Variants in SLCO2A1 observed in about 807,000 individuals in gnomAD.
SLCO2A1 encodes solute carrier organic anion transporter family member 2A1.
In SLCO2A1, 60 loss-of-function variants were observed where a neutral mutation model predicts 71.7. The observed-to-expected ratio is 0.84, with a 90% confidence interval of 0.68 to 1.04. The LOEUF is 1.04. SLCO2A1 is among the 50% of genes least tolerant of loss of function. SLCO2A1 has a pLI of 0.00. For synonymous variants in SLCO2A1, 308 were observed against 326.7 expected (o/e 0.94, Z 0.62); for missense variants, 745 against 813.4 (o/e 0.92, Z 1.02).
intron 1 of SLCO2A1, among the ~76,000 whole-genome samples, chr3:134,027,280 A>T (rs1337326513): frequency 6.6e-6 from 1 of 152,244 alleles, no homozygotes; most frequent in African/African-American, 2.4e-5. Flanking sequence ...ATCCACAAGC[A>T]GACAGCCCGG....
chr3:134,010,751 C>CAAAAAAA (rs57260052), intron 1 of SLCO2A1, among the ~76,000 whole-genome samples: 1 of 70,898 alleles, frequency 1.4e-5, no homozygotes, highest in African/African-American at 5.0e-5. Context: ...AGACTCTGTC[C>CAAAAAAA]AAAAAAAAAA....
At chr3:133,972,788 G>C (rs922923023) in intron 3 of SLCO2A1, among the ~76,000 whole-genome samples, 2 of 152,084 alleles carry the variant, frequency 1.3e-5, no homozygotes, top group African/African-American at 2.4e-5. Flanking sequence ...TCAAGAGCAA[G>C]GGTAAAATAG....
chr3:134,006,933 C>T (rs2108072741), intron 1 of SLCO2A1, among the ~76,000 whole-genome samples: 1 of 152,328 alleles, frequency 6.6e-6, no homozygotes, highest in South Asian at 2.1e-4. Flanking sequence ...ATTTTACATT[C>T]CCACCAATAG....
At chr3:134,016,601 T>C (rs1370845454) in intron 1 of SLCO2A1, among the ~76,000 whole-genome samples, 1 of 152,198 alleles carries the variant, frequency 6.6e-6, no homozygotes, top group Non-Finnish European at 1.5e-5. Flanking sequence ...TGTAAACTGG[T>C]GTGATCACTC....
In SLCO2A1 at chr3:133,934,841, G is replaced by C. The variant is rs375564210; in HGVS notation, c.1815-11C>G. ...TGCAGGCCCAGGTACCTGTGGGCAG[G>C]AGGAGGCAGGACTGGTGAGGGAGGG... is the stretch of plus-strand genomic sequence containing the variant. On this transcript the variant is annotated splice_polypyrimidine_tract_variant and intron_variant, in intron 13 of 13. Transcript: ENST00000310926. 2 of 1,603,514 alleles carry C rather than the reference G, an allele frequency of 1.2e-6. No homozygotes were observed. Among genetic ancestry groups the C allele is most frequent in the African/African-American group, 1.3e-5 (1 of 74,782 alleles).
chr3:133,951,232 A>G lies in SLCO2A1; in HGVS notation c.837T>C (p.Pro279=). 6.2e-7 allele frequency: 1 copy of G among 1,614,104 alleles called. No individual in the cohort carries two copies. ...VLTSFPFFFF[P]RAMPIGAKRA... The stretch of plus-strand genomic sequence containing the variant: ...CCTTTGCTCCTATGGGCATTGCTCG[A>G]GGGAAGAAAAAAAAGGGGAAAGAGG... The change falls in exon 6 of 14, where the codon CCT becomes CCC. Residue 279 remains proline (P), a synonymous_variant. Transcript: ENST00000310926.
chr3:134,004,620 C>G (rs1159026261), intron 1 of SLCO2A1, among the ~76,000 whole-genome samples: 2 of 152,190 alleles, frequency 1.3e-5, no homozygotes, highest in Non-Finnish European at 2.9e-5. Context: ...AGGTGTGAGC[C>G]ACCACGCCCA....
At chr3:133,960,026 A>C (rs1449514774) in intron 3 of SLCO2A1, among the ~76,000 whole-genome samples, 2 of 152,128 alleles carry the variant, frequency 1.3e-5, no homozygotes, top group Non-Finnish European at 2.9e-5. Flanking sequence ...AGGCTGAGGC[A>C]GGAGAATGGC....
At chr3:134,019,158 G>C (rs1489830146) in intron 1 of SLCO2A1, among the ~76,000 whole-genome samples, 1 of 152,200 alleles carries the variant, frequency 6.6e-6, no homozygotes, top group Non-Finnish European at 1.5e-5. Flanking sequence ...GGGCCAGCTT[G>C]AACAGGGGTT....
intron 1 of SLCO2A1, among the ~76,000 whole-genome samples, chr3:133,989,949 G>C (rs1934802623): frequency 6.6e-6 from 1 of 152,178 alleles, no homozygotes; most frequent in Non-Finnish European, 1.5e-5. Flanking sequence ...CAGAGGAGCA[G>C]GGCTTCCCTC....
At chr3:133,942,818 T>A (rs767766989) in intron 10 of SLCO2A1, 50 bp from the exon 11 acceptor site, 1 of 1,551,342 alleles carries the variant, frequency 6.4e-7, no homozygotes, top group Non-Finnish European at 8.7e-7. Flanking sequence ...ATTATTTCAC[T>A]TTCACACACT....
In SLCO2A1 at chr3:133,954,889, T is replaced by G. The variant is rs1933841974; in HGVS notation, c.625+77A>C. The G allele has an allele frequency of 3.4e-6, 4 of 1,193,816 alleles. 1 individual carries two copies. The South Asian group carries it at 5.6e-5, about 17-fold the overall frequency. 74.0% of individuals were successfully genotyped at this position (1,193,816 alleles called of 1,614,324 possible). A position where few individuals can be genotyped will look rare whatever the true frequency, so the allele number is the denominator to read the frequency against. On this transcript the variant is annotated intron_variant, in intron 4 of 13. Coordinates refer to ENST00000310926, the MANE Select transcript of SLCO2A1 (RefSeq NM_005630.3). ...AAGCAAAGAGGGTGGGACCTCAGTT[T>G]AGTGCCCCAGGGCCTCATCAAGTGC...
chr3:133,996,057 G>A (rs985015712), intron 1 of SLCO2A1, among the ~76,000 whole-genome samples: 5 of 152,224 alleles, frequency 3.3e-5, no homozygotes, highest in African/African-American at 1.2e-4. Flanking sequence ...AGGTTTTTCT[G>A]TAGCAGGCAA....
At chr3:133,968,736 T>C (rs1934251619) in intron 3 of SLCO2A1, among the ~76,000 whole-genome samples, 1 of 152,190 alleles carries the variant, frequency 6.6e-6, no homozygotes, top group Admixed American at 6.5e-5. Context: ...CCCCTTCTCT[T>C]ATCTCCTGGG....
chr3:133,983,100 T>C lies in SLCO2A1; in HGVS notation c.97-3482A>G, dbSNP rs564878740. On this transcript the variant is annotated intron_variant, in intron 1 of 13. Transcript: ENST00000310926. The stretch of plus-strand genomic sequence containing the variant: ...GTTCTGTGTTCTCTCCCTCTGAATA[T>C]GGGCCAATCTTAGCTCCTTGCTTCT... Among the ~76,000 whole-genome samples the C allele has an allele frequency of 4.6e-5, 7 of 152,282 alleles. No homozygotes were observed. The South Asian group carries it at 1.5e-3, about 32-fold the overall frequency.
At chr3:133,972,596 C>A (rs1053844858) in intron 3 of SLCO2A1, among the ~76,000 whole-genome samples, 15 of 151,800 alleles carry the variant, frequency 9.9e-5, no homozygotes, top group African/African-American at 3.6e-4. Flanking sequence ...ACATACAGAA[C>A]AACAAAGAAA....
intron 1 of SLCO2A1, among the ~76,000 whole-genome samples, chr3:134,010,339 T>A (rs1935306932): frequency 6.6e-6 from 1 of 152,082 alleles, no homozygotes; most frequent in African/African-American, 2.4e-5. Flanking sequence ...TCAGGAAACT[T>A]ACAATCATGG....
intron 5 of SLCO2A1, among the ~76,000 whole-genome samples, chr3:133,952,781 A>C (rs189547608): frequency 6.6e-6 from 1 of 152,230 alleles, no homozygotes; most frequent in East Asian, 1.9e-4. Context: ...CATTAGCTCC[A>C]TTTTACAGAT....
chr3:133,936,001 C>T (rs1408679581), intron 12 of SLCO2A1, 104 bp from the exon 13 acceptor site: 16 of 1,244,816 alleles, frequency 1.3e-5, no homozygotes, highest in South Asian at 2.3e-5. Context: ...TACATGAGAA[C>T]GGCTCTGCCG....
Sources: gnomAD v4.1 joint callset for allele counts (sites outside exome capture counted in the v4.1 genomes callset) on GRCh38, gnomAD v4.1.1 for gene constraint, MANE v1.5 for transcripts, NCBI Gene and HGNC (gene_info 2026-07-23, HGNC 2026-07-21) for gene names.